The following CHL1 variants were observed in gnomAD, a reference collection of about 807,000 sequenced individuals.
CHL1 encodes cell adhesion molecule L1 like, also known as neural cell adhesion molecule L1-like protein.
Under a neutral mutation model 141.9 loss-of-function variants are expected in CHL1, and 96 were observed. The observed-to-expected ratio is 0.68, with a 90% confidence interval of 0.57 to 0.80. The LOEUF (loss-of-function observed/expected upper bound fraction) is 0.80. Ranked by LOEUF, CHL1 falls within the 30% of genes least tolerant of loss-of-function variation. The probability of loss-of-function intolerance (pLI) is 0.00; values close to 1 mark genes in which losing one functional copy is unlikely to be tolerated. For missense variants in CHL1, 1,820 were observed against 1,457.2 expected, an observed-to-expected ratio of 1.25 and a Z score of -4.05; for synonymous variants, 613 against 502.2, an observed-to-expected ratio of 1.22 and a Z score of -2.95.
intron 1 of CHL1, among the ~76,000 whole-genome samples, chr3:199,525 G>T (rs772057053): frequency 1.3e-5 from 2 of 152,164 alleles, no homozygotes; most frequent in Non-Finnish European, 2.9e-5. Flanking sequence ...GGTCTAAGAG[G>T]AGTTGATTTT....
At chr3:239,358 C>T (rs1559319009) in intron 1 of CHL1, among the ~76,000 whole-genome samples, 3 of 152,132 alleles carry the variant, frequency 2.0e-5, no homozygotes, top group East Asian at 1.9e-4. Flanking sequence ...GATTAGCTTA[C>T]GATCGCACAA....
intron 15 of CHL1, among the ~76,000 whole-genome samples, chr3:368,246 C>T (rs941573804): frequency 6.6e-6 from 1 of 152,170 alleles, no homozygotes; most frequent in Non-Finnish European, 1.5e-5. Flanking sequence ...TCTCTGCAGC[C>T]TCACCAGCAT....
intron 14 of CHL1, among the ~76,000 whole-genome samples, chr3:364,761 CA>C (rs1464601626): frequency 6.6e-6 from 1 of 152,044 alleles, no homozygotes; most frequent in Non-Finnish European, 1.5e-5. Context: ...TGGTTCAGCC[CA>C]TTCCCGGTTA....
intron 1 of CHL1, among the ~76,000 whole-genome samples, chr3:205,294 T>C (rs1330490287): frequency 6.6e-6 from 1 of 151,978 alleles, no homozygotes; most frequent in Non-Finnish European, 1.5e-5. Flanking sequence ...AAATCTTTTT[T>C]GTAAAGGTGA....
At chr3:312,757 T>G (rs953181512) in intron 2 of CHL1, among the ~76,000 whole-genome samples, 1 of 152,182 alleles carries the variant, frequency 6.6e-6, no homozygotes, top group Non-Finnish European at 1.5e-5. Flanking sequence ...TTGATGCAGC[T>G]CAGTGATTCT....
At chr3:233,063 A>G (rs1047986157) in intron 1 of CHL1, among the ~76,000 whole-genome samples, 1 of 151,980 alleles carries the variant, frequency 6.6e-6, no homozygotes, top group Non-Finnish European at 1.5e-5. Flanking sequence ...TTGAAACCTT[A>G]AAGGTATCTG....
chr3:370,060 T>C (rs905210454), intron 15 of CHL1, among the ~76,000 whole-genome samples: 1 of 152,182 alleles, frequency 6.6e-6, no homozygotes, highest in African/African-American at 2.4e-5. Context: ...TGAATGTTCC[T>C]TTTTTTGTGT....
At chr3:253,046 C>T (rs1693844439) in intron 2 of CHL1, among the ~76,000 whole-genome samples, 2 of 151,980 alleles carry the variant, frequency 1.3e-5, no homozygotes, top group South Asian at 4.1e-4. Flanking sequence ...TTTGACCTTC[C>T]ATACTTACTA....
intron 2 of CHL1, among the ~76,000 whole-genome samples, chr3:250,426 T>C (rs1350950816): frequency 6.6e-6 from 1 of 152,062 alleles, no homozygotes; most frequent in East Asian, 1.9e-4. Context: ...AGCAGTTAAT[T>C]GTGAGAAGTT....
chr3:389,592 G>T (rs575971012), intron 20 of CHL1, 118 bp downstream of exon 20: 2 of 743,156 alleles, frequency 2.7e-6, no homozygotes, highest in Non-Finnish European at 4.4e-6. Flanking sequence ...TGTACTAGCC[G>T]TGGGAGATAA....
intron 2 of CHL1, among the ~76,000 whole-genome samples, chr3:276,703 CAG>C (rs1559369518): frequency 1.3e-5 from 2 of 151,770 alleles, no homozygotes; most frequent in African/African-American, 4.8e-5. Context: ...TCCTGGCTAA[CAG>C]GGTGAAATCC....
chr3:206,486 T>A (rs986186176), intron 1 of CHL1, among the ~76,000 whole-genome samples: 1 of 151,874 alleles, frequency 6.6e-6, no homozygotes. Flanking sequence ...TAATGCAACT[T>A]TGGGAGGCTG....
At position 405,504 on chromosome 3, in the gene CHL1, T is replaced by C. The variant is rs1285757934; in HGVS notation, c.3468T>C (p.Asp1156=). The part of the protein sequence containing the change: ...DETFGEYSDS[D]EKPLKGSLRS... ...TTTGTTTGTTTTCTAGTGACAGTGA[T>C]GAAAAGCCTCTCAAAGGAAGCCTTC... The change falls in exon 28 of 28, where the codon GAT becomes GAC. Residue 1156 remains aspartate, a synonymous_variant. Transcript: ENST00000256509. 1.2e-6 allele frequency: 2 copies of C among 1,611,050 alleles called. No individual in the cohort carries two copies. The highest frequency in any genetic ancestry group is 1.7e-6 in the Non-Finnish European group (2 of 1,177,624).
chr3:307,589 T>C (rs1322969628), intron 2 of CHL1, among the ~76,000 whole-genome samples: 8 of 152,188 alleles, frequency 5.3e-5, no homozygotes, highest in Admixed American at 1.3e-4. Context: ...GATTTTTTAA[T>C]ATCCTATTCA....
chr3:252,279 C>T (rs1693754520), intron 2 of CHL1, among the ~76,000 whole-genome samples: 1 of 144,832 alleles, frequency 6.9e-6, no homozygotes, highest in South Asian at 2.2e-4. Context: ...ATTGTTTTAG[C>T]TATACAAAGC....
At chr3:197,568 C>A (rs968191738) in intron 1 of CHL1, 2 of 323,152 alleles carry the variant, frequency 6.2e-6, no homozygotes, top group African/African-American at 2.2e-5. Context: ...GGGGCTCAGA[C>A]CCCCCCAGTC....
At chr3:257,181 T>C (rs1402563840) in intron 2 of CHL1, among the ~76,000 whole-genome samples, 1 of 152,146 alleles carries the variant, frequency 6.6e-6, no homozygotes, top group East Asian at 1.9e-4. Flanking sequence ...CAAATGATCA[T>C]ACGTAATCTA....
intron 2 of CHL1, among the ~76,000 whole-genome samples, chr3:298,062 G>A (rs2124874443): frequency 6.6e-6 from 1 of 152,252 alleles, no homozygotes; most frequent in African/African-American, 2.4e-5. Flanking sequence ...CTACCTGAGT[G>A]TATATACAAC....
chr3:324,926 A>T (rs948655176), intron 3 of CHL1, among the ~76,000 whole-genome samples: 15 of 151,966 alleles, frequency 9.9e-5, no homozygotes, highest in African/African-American at 3.6e-4. Flanking sequence ...TGTCTTGTAG[A>T]TTACTTATCA....
Sources: allele counts gnomAD v4.1 joint callset (sites outside exome capture counted in the v4.1 genomes callset), GRCh38; gene constraint gnomAD v4.1.1; transcripts MANE v1.5; gene names NCBI Gene and HGNC (gene_info 2026-07-23, HGNC 2026-07-21).